LRRTM4: variants seen among roughly 807,000 people sequenced by gnomAD.
LRRTM4 encodes leucine rich repeat transmembrane neuronal 4.
LRRTM4 carries 25 observed loss-of-function variants against 47.6 expected under a neutral mutation model. The ratio of observed to expected loss-of-function variants is 0.53; its 90% CI spans 0.38 to 0.73. The LOEUF (loss-of-function observed/expected upper bound fraction) is 0.73, where lower values mean the gene tolerates loss of function less well. Ranked by LOEUF, LRRTM4 falls within the 30% of genes least tolerant of loss-of-function variation. The pLI, the probability that LRRTM4 is intolerant of heterozygous loss-of-function variation, is 0.00. For synonymous variants in LRRTM4, 311 were observed against 269.5 expected (o/e 1.15, Z -1.51); for missense variants, 638 against 713.4 (o/e 0.89, Z 1.20).
intron 3 of LRRTM4, among the ~76,000 whole-genome samples, chr2:77,368,007 G>A (rs1344681196): frequency 6.6e-6 from 1 of 151,750 alleles, no homozygotes; most frequent in East Asian, 1.9e-4. Context: ...ATTGGACATT[G>A]TTGTTCTATA....
At chr2:76,773,348 C>A (rs1242062999) in intron 3 of LRRTM4, among the ~76,000 whole-genome samples, 1 of 152,172 alleles carries the variant, frequency 6.6e-6, no homozygotes, top group African/African-American at 2.4e-5. Context: ...CAGCAAAGTT[C>A]TGTTTAATTT....
rs1038898457 is a variant in LRRTM4 at position 77,372,906 on chromosome 2, C to G, written c.1551+145412G>C. Among the ~76,000 whole-genome samples the G allele has an allele frequency of 2.7e-5, 4 of 149,544 alleles. 1 individual carries two copies. The highest frequency in any genetic ancestry group is 5.9e-5 in the Non-Finnish European group (4 of 67,256). On this transcript the variant is annotated intron_variant, in intron 3 of 3. Coordinates refer to ENST00000409884, the MANE Select transcript of LRRTM4 (RefSeq NM_001134745.3). ...GAGTGTAATAGAACAGCTGGTCAGA[C>G]ACAATTTACTTGCTCACAGAAACAA...
chr2:76,900,733 G>T (rs1006886578), intron 3 of LRRTM4, among the ~76,000 whole-genome samples: 1 of 152,106 alleles, frequency 6.6e-6, no homozygotes, highest in Non-Finnish European at 1.5e-5. Context: ...AGTTAAAAAG[G>T]TGGCATATCT....
At chr2:77,172,045 T>G (rs895352761) in intron 3 of LRRTM4, among the ~76,000 whole-genome samples, 1 of 152,198 alleles carries the variant, frequency 6.6e-6, no homozygotes, top group African/African-American at 2.4e-5. Context: ...ATTTTCAAAA[T>G]TTGATGTTAT....
chr2:77,297,198 T>A (rs1192226338), intron 3 of LRRTM4, among the ~76,000 whole-genome samples: 2 of 152,144 alleles, frequency 1.3e-5, no homozygotes, highest in African/African-American at 4.8e-5. Flanking sequence ...TCTTCCAGCA[T>A]TTTAGAAGCC....
At chr2:76,756,979 A>G (rs1168676360) in intron 3 of LRRTM4, among the ~76,000 whole-genome samples, 1 of 152,184 alleles carries the variant, frequency 6.6e-6, no homozygotes, top group Non-Finnish European at 1.5e-5. Context: ...GATGGAATAA[A>G]TAATAAATCT....
At chr2:77,011,514 CA>C (rs1040551534) in intron 3 of LRRTM4, among the ~76,000 whole-genome samples, 18 of 148,336 alleles carry the variant, frequency 1.2e-4, no homozygotes, top group Admixed American at 5.4e-4. Flanking sequence ...ACCAGACTGG[CA>C]ACTAGGAAGA....
rs1408341996 is a variant in LRRTM4, at chr2:76,794,390, C to A, written c.1552-45474G>T. Among the ~76,000 whole-genome samples, 23 of 152,054 alleles carry A rather than the reference C, an allele frequency of 1.5e-4. No individual in the cohort carries two copies. In the East Asian group the frequency reaches 4.4e-3, roughly 29 times the overall value. ...AAGGATTGGGTATACCACTACAGTC[C>A]CTAAATACTGCTATATGACTAATCG... On this transcript the variant is annotated intron_variant, in intron 3 of 3. Transcript: ENST00000409884.
intron 3 of LRRTM4, among the ~76,000 whole-genome samples, chr2:77,075,246 T>C (rs1211468832): frequency 1.3e-5 from 2 of 152,210 alleles, no homozygotes; most frequent in Non-Finnish European, 2.9e-5. Flanking sequence ...AACAGTTTTG[T>C]TTTTAATAAG....
At chr2:77,485,714 C>T (rs13004227) in intron 3 of LRRTM4, among the ~76,000 whole-genome samples, 56,837 of 151,894 alleles carry the variant, frequency 0.37, 10,820 homozygotes, top group Admixed American at 0.43. Context: ...TACACTTCTT[C>T]AAAGGAGGGG....
intron 3 of LRRTM4, among the ~76,000 whole-genome samples, chr2:76,859,456 A>G (rs1449632335): frequency 6.6e-6 from 1 of 152,150 alleles, no homozygotes; most frequent in Non-Finnish European, 1.5e-5. Flanking sequence ...ATTGCTTTTG[A>G]ATGGAAAAAT....
chr2:77,046,231 C>T (rs931612106), intron 3 of LRRTM4, among the ~76,000 whole-genome samples: 1 of 151,912 alleles, frequency 6.6e-6, no homozygotes, highest in Non-Finnish European at 1.5e-5. Flanking sequence ...CTCTAGATGC[C>T]TAAAAGAATG....
intron 3 of LRRTM4, among the ~76,000 whole-genome samples, chr2:76,759,992 C>T (rs1167458117): frequency 6.6e-6 from 1 of 152,038 alleles, no homozygotes; most frequent in African/African-American, 2.4e-5. Flanking sequence ...GTAAGCTTCA[C>T]GATGTCAGAA....
intron 3 of LRRTM4, among the ~76,000 whole-genome samples, chr2:77,069,974 G>A (rs1680096684): frequency 6.6e-6 from 1 of 152,056 alleles, no homozygotes; most frequent in African/African-American, 2.4e-5. Context: ...TCTTAGGCCT[G>A]GCAAGCTCCA....
chr2:77,045,084 T>G (rs761349270), intron 3 of LRRTM4, among the ~76,000 whole-genome samples: 1 of 151,876 alleles, frequency 6.6e-6, no homozygotes, highest in African/African-American at 2.4e-5. Context: ...AGAGGTAATA[T>G]GGTATTTTTA....
intron 3 of LRRTM4, among the ~76,000 whole-genome samples, chr2:77,062,525 T>A (rs1679819322): frequency 6.6e-6 from 1 of 152,178 alleles, no homozygotes; most frequent in African/African-American, 2.4e-5. Flanking sequence ...TATTGCAGAT[T>A]TTCCAACTCC....
At chr2:76,858,485 C>T (rs2103998905) in intron 3 of LRRTM4, among the ~76,000 whole-genome samples, 1 of 152,262 alleles carries the variant, frequency 6.6e-6, no homozygotes, top group South Asian at 2.1e-4. Context: ...CATCAGCTCT[C>T]CTAGGTCCTC....
At chr2:77,027,982 A>T (rs1364600762) in intron 3 of LRRTM4, among the ~76,000 whole-genome samples, 6 of 50,018 alleles carry the variant, frequency 1.2e-4, no homozygotes, top group African/African-American at 3.5e-4. Flanking sequence ...TTTACAAATT[A>T]AAAAAAAAAC....
intron 3 of LRRTM4, among the ~76,000 whole-genome samples, chr2:77,056,990 TAA>T (rs996675021): frequency 1.3e-5 from 2 of 152,210 alleles, no homozygotes; most frequent in African/African-American, 4.8e-5. Flanking sequence ...TTGTGGTAAA[TAA>T]AGTTTTATGG....
Sources: allele counts gnomAD v4.1 joint callset (sites outside exome capture counted in the v4.1 genomes callset), GRCh38; gene constraint gnomAD v4.1.1; transcripts MANE v1.5; gene names NCBI Gene and HGNC (gene_info 2026-07-23, HGNC 2026-07-21).